The following CALN1 variants were observed in gnomAD, a reference collection of about 807,000 sequenced individuals.
CALN1 encodes calneuron 1.
In CALN1, 17 loss-of-function variants were observed where a neutral mutation model predicts 30.6. The observed-to-expected ratio is 0.56, with a 90% CI of 0.38 to 0.83. CALN1 has a LOEUF of 0.83. Ranked by LOEUF, CALN1 falls within the 40% of genes least tolerant of loss-of-function variation. The pLI is 0.00. For synonymous variants in CALN1, 156 were observed against 131.4 expected (o/e 1.19, Z -1.28); for missense variants, 291 against 354.9 (o/e 0.82, Z 1.45).
chr7:72,420,062 C>T (rs181852989), intron 1 of CALN1, among the ~76,000 whole-genome samples: 24 of 152,310 alleles, frequency 1.6e-4, no homozygotes, highest in Non-Finnish European at 2.8e-4. Context: ...TGACCCTTCA[C>T]GGAGCCGTTA....
At chr7:72,313,155 T>C (rs756846199) in intron 2 of CALN1, among the ~76,000 whole-genome samples, 2 of 151,918 alleles carry the variant, frequency 1.3e-5, no homozygotes, top group Non-Finnish European at 2.9e-5. Context: ...TTACTAAAAT[T>C]AAACCAGGGT....
chr7:72,397,324 G>A (rs1418383876), intron 2 of CALN1, among the ~76,000 whole-genome samples: 1 of 152,162 alleles, frequency 6.6e-6, no homozygotes, highest in East Asian at 1.9e-4. Context: ...CACCCAGAGG[G>A]TCCACATTCT....
intron 4 of CALN1, among the ~76,000 whole-genome samples, chr7:72,090,359 T>C (rs1276030440): frequency 6.6e-6 from 1 of 152,176 alleles, no homozygotes; most frequent in African/African-American, 2.4e-5. Context: ...ACTCGGAAAT[T>C]AAATTGTAAG....
At chr7:71,871,744 C>T (rs1460455443) in intron 5 of CALN1, among the ~76,000 whole-genome samples, 1 of 152,160 alleles carries the variant, frequency 6.6e-6, no homozygotes, top group Non-Finnish European at 1.5e-5. Context: ...TCACTCTCCT[C>T]TGGTTTCCCA....
At chr7:72,473,927 TAAA>T in the CALN1 span, among the ~76,000 whole-genome samples, 1 of 135,054 alleles carries the variant, frequency 7.4e-6, no homozygotes. Flanking sequence ...AGACTCTGTT[TAAA>T]AAAAAAAAAA....
chr7:72,365,956 A>AC (rs1256467445), intron 2 of CALN1, among the ~76,000 whole-genome samples: 2 of 152,178 alleles, frequency 1.3e-5, no homozygotes, highest in African/African-American at 4.8e-5. Context: ...ACATGGGCAT[A>AC]CCCTTGGATT....
chr7:72,055,673 T>TA (rs1803207258), intron 4 of CALN1, among the ~76,000 whole-genome samples: 1 of 152,178 alleles, frequency 6.6e-6, no homozygotes, highest in African/African-American at 2.4e-5. Context: ...AAATACATTT[T>TA]AAAACTTTTG....
intron 3 of CALN1, among the ~76,000 whole-genome samples, chr7:72,142,811 G>A (rs1271130883): frequency 6.6e-6 from 1 of 152,154 alleles, no homozygotes; most frequent in East Asian, 1.9e-4. Context: ...AACATTTGCT[G>A]TTCACCAATA....
intron 5 of CALN1, among the ~76,000 whole-genome samples, chr7:72,006,277 T>C (rs1799767521): frequency 1.3e-5 from 2 of 152,194 alleles, no homozygotes; most frequent in African/African-American, 2.4e-5. Flanking sequence ...TAATTTTAAA[T>C]ACATATTTCA....
chr7:71,882,635 A>G (rs1792641634), intron 5 of CALN1, among the ~76,000 whole-genome samples: 1 of 152,042 alleles, frequency 6.6e-6, no homozygotes, highest in South Asian at 2.1e-4. Context: ...TTTGCATCCA[A>G]TTTAGAATAG....
chr7:72,377,706 G>T (rs1804652853), intron 2 of CALN1, among the ~76,000 whole-genome samples: 1 of 152,046 alleles, frequency 6.6e-6, no homozygotes, highest in Non-Finnish European at 1.5e-5. Context: ...CTAATGAGTG[G>T]ACTGAAATTT....
chr7:72,302,993 A>C (rs1043909898), intron 2 of CALN1, among the ~76,000 whole-genome samples: 10 of 150,972 alleles, frequency 6.6e-5, no homozygotes, highest in African/African-American at 2.4e-4. Context: ...GGATCCCTTG[A>C]GCCCAGGAGT....
chr7:72,034,559 G>T (rs1007322837), intron 4 of CALN1, among the ~76,000 whole-genome samples: 1 of 151,420 alleles, frequency 6.6e-6, no homozygotes, highest in African/African-American at 2.4e-5. Context: ...TTGGGAGGCC[G>T]ATCAGACAGA....
chr7:72,127,916 A>C (rs566941511), intron 3 of CALN1, among the ~76,000 whole-genome samples: 1 of 152,274 alleles, frequency 6.6e-6, no homozygotes, highest in East Asian at 1.9e-4. Flanking sequence ...AGAGAGACTG[A>C]TGTATTTTAT....
At chr7:72,337,122 A>C in intron 2 of CALN1, 1 of 985,648 alleles carries the variant, frequency 1.0e-6, no homozygotes, top group Non-Finnish European at 1.2e-6. Flanking sequence ...CCCGGAGCCC[A>C]GTGGCCGAGG....
rs997424109 is a variant in CALN1 at position 72,147,365 on chromosome 7, A to G, written c.245-41071T>C. On this transcript the variant is annotated intron_variant, in intron 3 of 6. Transcript: ENST00000395275. ...TGCAGCCAACAGACACATGAAAAAA[A>G]TGCTCATCATCACTGGCCATCAGAG... Among the ~76,000 whole-genome samples the G allele has an allele frequency of 9.2e-5, 14 of 152,196 alleles. No individual in the cohort carries two copies. The East Asian group carries it at 2.7e-3, about 29-fold the overall frequency.
At chr7:72,421,186 T>G (rs1170887076) in intron 1 of CALN1, among the ~76,000 whole-genome samples, 1 of 152,116 alleles carries the variant, frequency 6.6e-6, no homozygotes, top group Non-Finnish European at 1.5e-5. Flanking sequence ...GATGAGTTCT[T>G]TAGCAGTGAT....
rs138608087 is a variant in CALN1 at position 72,392,871 on chromosome 7, T to C, written c.119+10380A>G. 1.9e-4 allele frequency among the ~76,000 whole-genome samples: 29 copies of C among 152,164 alleles called. No homozygotes were observed. In the East Asian group the frequency reaches 5.4e-3, roughly 28 times the overall value. On this transcript the variant is annotated intron_variant, in intron 2 of 6. Coordinates refer to ENST00000395275, the MANE Select transcript of CALN1 (RefSeq NM_031468.4). Reference sequence around the variant, plus strand: ...TTAATTAGCCAGACATGTTGGCATGTACCTGCTGTCCCAGCTACTTCGGAG... The same window carrying C: ...TTAATTAGCCAGACATGTTGGCATGCACCTGCTGTCCCAGCTACTTCGGAG...
chr7:72,174,161 A>C (rs907275470), intron 3 of CALN1, among the ~76,000 whole-genome samples: 15 of 152,202 alleles, frequency 9.9e-5, no homozygotes, highest in African/African-American at 3.6e-4. Context: ...ATTAGTCATT[A>C]GGAAAAGGCA....
Sources: gnomAD v4.1 joint callset for allele counts (sites outside exome capture counted in the v4.1 genomes callset) on GRCh38, gnomAD v4.1.1 for gene constraint, MANE v1.5 for transcripts, NCBI Gene and HGNC (gene_info 2026-07-23, HGNC 2026-07-21) for gene names.